Variants in EXOC4 observed in about 807,000 individuals in gnomAD.
The protein encoded by EXOC4 is SEC8-like 1.
EXOC4 carries 71 observed loss-of-function variants against 107.2 expected under a neutral mutation model. The observed-to-expected ratio is 0.66, with a 90% confidence interval of 0.55 to 0.81. EXOC4 has a LOEUF of 0.81. Among genes scored for constraint, EXOC4 ranks in the 30% least tolerant of loss-of-function variants. The probability of loss-of-function intolerance (pLI) is 0.00; values close to 1 mark genes in which losing one functional copy is unlikely to be tolerated. For missense variants in EXOC4, 1,108 were observed against 1,189.6 expected, an observed-to-expected ratio of 0.93 and a Z score of 1.01; for synonymous variants, 456 against 441.2, an observed-to-expected ratio of 1.03 and a Z score of -0.42.
chr7:133,494,868 A>G (rs1030133481), intron 9 of EXOC4, among the ~76,000 whole-genome samples: 2 of 152,062 alleles, frequency 1.3e-5, no homozygotes, highest in African/African-American at 4.8e-5. Context: ...CTACTTTTCT[A>G]TCTGTTTTAG....
chr7:133,817,665 G>A, intron 11 of EXOC4, 121 bp downstream of exon 11: 3 of 677,744 alleles, frequency 4.4e-6, no homozygotes, highest in Non-Finnish European at 4.8e-6. Flanking sequence ...CAAAACAAAA[G>A]AAAATAAATA....
chr7:133,627,913 C>A (rs1802497023), intron 9 of EXOC4, among the ~76,000 whole-genome samples: 1 of 152,110 alleles, frequency 6.6e-6, no homozygotes, highest in Non-Finnish European at 1.5e-5. Flanking sequence ...ACTCTGATGC[C>A]TCTGGGAAGT....
At chr7:133,503,315 C>T (rs550921103) in intron 9 of EXOC4, among the ~76,000 whole-genome samples, 1 of 152,088 alleles carries the variant, frequency 6.6e-6, no homozygotes, top group Non-Finnish European at 1.5e-5. Context: ...CCAGAATACA[C>T]CAAAAATGAA....
At chr7:133,609,900 G>C (rs1037398755) in intron 9 of EXOC4, among the ~76,000 whole-genome samples, 15 of 152,288 alleles carry the variant, frequency 9.8e-5, no homozygotes, top group Admixed American at 6.5e-4. Context: ...CACAGAGCTG[G>C]TTATTAAACA....
rs1173320663 is a variant in EXOC4 at position 133,343,921 on chromosome 7, C to T, written c.764-12409C>T. On this transcript the variant is annotated intron_variant, in intron 5 of 17. Coordinates refer to ENST00000253861, the MANE Select transcript of EXOC4 (RefSeq NM_021807.4). ...CTTGAACCCTAGGCTCAAAGGGATCCTGCTGCCTCAGCCTCCCAGATAGCA... is the reference window on the plus strand; with the variant it reads ...CTTGAACCCTAGGCTCAAAGGGATCTTGCTGCCTCAGCCTCCCAGATAGCA... Among the ~76,000 whole-genome samples the T allele has an allele frequency of 4.0e-5, 6 of 151,840 alleles. No homozygotes were observed. In the East Asian group the frequency reaches 7.7e-4, roughly 20 times the overall value.
chr7:133,680,899 A>G (rs2041994), intron 10 of EXOC4, among the ~76,000 whole-genome samples: 150,293 of 152,276 alleles, frequency 0.99, 74,208 homozygotes, highest in Middle Eastern at 1. Flanking sequence ...CTTTTAGTTG[A>G]GCTTTATATA....
intron 12 of EXOC4, among the ~76,000 whole-genome samples, chr7:133,897,979 A>G: frequency 6.6e-6 from 1 of 152,050 alleles, no homozygotes; most frequent in East Asian, 1.9e-4. Context: ...GTATGGTTTG[A>G]GCAACATCTC....
At chr7:133,967,866 T>C (rs975672922) in intron 14 of EXOC4, among the ~76,000 whole-genome samples, 1 of 152,182 alleles carries the variant, frequency 6.6e-6, no homozygotes, top group African/African-American at 2.4e-5. Flanking sequence ...AGAGCTGAGT[T>C]CAAGTCCTGG....
At chr7:133,700,989 AAATAT>A (rs1794644459) in intron 10 of EXOC4, among the ~76,000 whole-genome samples, 1 of 152,152 alleles carries the variant, frequency 6.6e-6, no homozygotes, top group East Asian at 1.9e-4. Context: ...AAGAAAAAAA[AAATAT>A]AATGTATTCT....
chr7:134,093,785 A>G, the EXOC4 span, among the ~76,000 whole-genome samples: 6 of 152,218 alleles, frequency 3.9e-5, no homozygotes, highest in African/African-American at 1.2e-4. Context: ...TCAAAACCAC[A>G]TAATTACATG....
At chr7:133,569,045 A>C (rs1307223812) in intron 9 of EXOC4, among the ~76,000 whole-genome samples, 1 of 152,166 alleles carries the variant, frequency 6.6e-6, no homozygotes, top group Non-Finnish European at 1.5e-5. Context: ...CTAATTTGAG[A>C]GAGTCAGTTT....
chr7:133,449,566 A>T (rs1006417482), intron 7 of EXOC4, among the ~76,000 whole-genome samples: 1 of 152,184 alleles, frequency 6.6e-6, no homozygotes, highest in African/African-American at 2.4e-5. Flanking sequence ...TTAGTGTTAC[A>T]GGAAGTATAT....
intron 10 of EXOC4, among the ~76,000 whole-genome samples, chr7:133,803,242 G>A (rs911158834): frequency 6.6e-6 from 1 of 152,110 alleles, no homozygotes; most frequent in Non-Finnish European, 1.5e-5. Flanking sequence ...CCATTAAGAT[G>A]TATTTTGTAT....
chr7:133,256,626 A>G (rs1461744568), intron 1 of EXOC4, among the ~76,000 whole-genome samples: 1 of 152,214 alleles, frequency 6.6e-6, no homozygotes, highest in Non-Finnish European at 1.5e-5. Flanking sequence ...TTGAATAGTG[A>G]GTATTAAAAA....
chr7:133,724,634 C>A (rs571303339), intron 10 of EXOC4, among the ~76,000 whole-genome samples: 2 of 152,116 alleles, frequency 1.3e-5, no homozygotes, highest in African/African-American at 4.8e-5. Context: ...TCATAAGATA[C>A]AGATAATAGA....
chr7:134,086,873 C>G, the EXOC4 span, among the ~76,000 whole-genome samples: 3 of 152,150 alleles, frequency 2.0e-5, no homozygotes, highest in African/African-American at 7.2e-5. Flanking sequence ...CATGCCTCGC[C>G]TTTTTAGACC....
At chr7:133,675,142 T>A (rs1421884392) in intron 10 of EXOC4, among the ~76,000 whole-genome samples, 1 of 152,118 alleles carries the variant, frequency 6.6e-6, no homozygotes, top group Middle Eastern at 3.2e-3. Context: ...ACCCTTAGTT[T>A]TGGAGGGTTG....
At chr7:133,970,740 C>T (rs1177527116) in intron 14 of EXOC4, among the ~76,000 whole-genome samples, 1 of 152,100 alleles carries the variant, frequency 6.6e-6, no homozygotes. Context: ...AAATCACCCA[C>T]CTTCTGCGTT....
the EXOC4 span, among the ~76,000 whole-genome samples, chr7:134,094,954 G>C: frequency 6.6e-6 from 1 of 151,924 alleles, no homozygotes; most frequent in East Asian, 1.9e-4. Flanking sequence ...AGAAGTCCAA[G>C]CCACAGCAAT....
Sources: gnomAD v4.1 joint callset for allele counts (sites outside exome capture counted in the v4.1 genomes callset) on GRCh38, gnomAD v4.1.1 for gene constraint, MANE v1.5 for transcripts, NCBI Gene and HGNC (gene_info 2026-07-23, HGNC 2026-07-21) for gene names.